Variants in PLAAT5 observed in about 807,000 individuals in gnomAD.
PLAAT5 encodes phospholipase A and acyltransferase 5, also known as Ca(2+)-independent N-acyltransferase.
Under a neutral mutation model 27.8 loss-of-function variants are expected in PLAAT5, and 27 were observed. That is an observed-to-expected ratio of 0.97 (90% confidence interval 0.72 to 1.34). The LOEUF is 1.34. Ranked by LOEUF, PLAAT5 falls within the 40% of genes most tolerant of loss-of-function variation. The probability of loss-of-function intolerance (pLI) is 0.00; values close to 1 mark genes in which losing one functional copy is unlikely to be tolerated. For missense variants in PLAAT5, 368 were observed against 343.8 expected, an observed-to-expected ratio of 1.07 and a Z score of -0.56; for synonymous variants, 125 against 136.1, an observed-to-expected ratio of 0.92 and a Z score of 0.57.
intron 3 of PLAAT5, among the ~76,000 whole-genome samples, chr11:63,476,133 G>A (rs972422835): frequency 6.6e-6 from 1 of 151,914 alleles, no homozygotes; most frequent in African/African-American, 2.4e-5. Context: ...ATCTAATACA[G>A]CTTCATTTCA....
chr11:63,468,546 C>A, intron 3 of PLAAT5, 81 bp from the exon 4 acceptor site: 1 of 989,328 alleles, frequency 1.0e-6, no homozygotes. Context: ...GACAGCTCAG[C>A]CTAAAGATCC....
chr11:63,486,482 A>G (rs1380190537), intron 3 of PLAAT5, among the ~76,000 whole-genome samples: 1 of 152,158 alleles, frequency 6.6e-6, no homozygotes, highest in Non-Finnish European at 1.5e-5. Context: ...CTCAGCCGTA[A>G]AAAGGAATGA....
chr11:63,473,071 C>T (rs1403747852), intron 3 of PLAAT5, among the ~76,000 whole-genome samples: 1 of 151,878 alleles, frequency 6.6e-6, no homozygotes. Context: ...GATCGTGCCA[C>T]TGCACCACCG....
chr11:63,478,546 C>T (rs2016207665), intron 3 of PLAAT5, among the ~76,000 whole-genome samples: 2 of 152,198 alleles, frequency 1.3e-5, no homozygotes, highest in Admixed American at 6.5e-5. Flanking sequence ...TGGTCTCAAT[C>T]TCCTGACCTG....
intron 3 of PLAAT5, among the ~76,000 whole-genome samples, chr11:63,478,248 C>T (rs1445441420): frequency 6.6e-6 from 1 of 152,200 alleles, no homozygotes; most frequent in Non-Finnish European, 1.5e-5. Flanking sequence ...CTTACCACAA[C>T]CGCAGAGCTG....
chr11:63,475,858 T>C (rs946304599), intron 3 of PLAAT5, among the ~76,000 whole-genome samples: 41 of 152,108 alleles, frequency 2.7e-4, no homozygotes, highest in Non-Finnish European at 4.4e-5. Flanking sequence ...ACTAACTTGA[T>C]TCCTGTAAAA....
intron 3 of PLAAT5, 99 bp downstream of exon 3, chr11:63,488,772 T>A: frequency 1.4e-6 from 1 of 713,398 alleles, no homozygotes; most frequent in East Asian, 2.8e-5. Context: ...CAGGGAAGCC[T>A]AAAGATTGGA....
chr11:63,480,463 A>G (rs1211232209), intron 3 of PLAAT5, among the ~76,000 whole-genome samples: 4 of 152,236 alleles, frequency 2.6e-5, no homozygotes, highest in Admixed American at 6.5e-5. Context: ...CTCATCTGCA[A>G]TATTGCCACT....
rs1437756632 is a variant in PLAAT5, at chr11:63,483,804, T to A, written c.345+5067A>T. Among the ~76,000 whole-genome samples the A allele has an allele frequency of 7.0e-3, 206 of 29,242 alleles. 8 individuals are homozygous for A. Among genetic ancestry groups the A allele is most frequent in the African/African-American group, 0.07 (203 of 2,882 alleles). 19.2% of individuals were successfully genotyped at this position (29,242 alleles called of 152,430 possible). A position where few individuals can be genotyped will look rare whatever the true frequency, so the allele number is the denominator to read the frequency against. On this transcript the variant is annotated intron_variant, in intron 3 of 5. Coordinates refer to ENST00000540857, the MANE Select transcript of PLAAT5 (RefSeq NM_001146729.2). ...AAAAAAATATATATATATATATGTATATATATATATATATATATATATATA... is the reference window on the plus strand; with the variant it reads ...AAAAAAATATATATATATATATGTAAATATATATATATATATATATATATA...
In PLAAT5 at chr11:63,466,312, T is replaced by C. The variant is rs1428490678; in HGVS notation, c.515A>G (p.Tyr172Cys). 6.2e-7 allele frequency: 1 copy of C among 1,614,118 alleles called. No individual in the cohort carries two copies. Among genetic ancestry groups the C allele is most frequent in the Non-Finnish European group, 8.5e-7 (1 of 1,180,014 alleles). The stretch of plus-strand genomic sequence containing the variant: ...ATGCAGCACATCCTCCAGACGACTG[T>C]ATTTCACCACGGCCCGATTGCTAAA... ...SIFSNRAVVK[Y>C]SRLEDVLHGC... Residue 172 changes from tyrosine (Y) to cysteine (C), a missense_variant, in exon 5 of 6, where the codon TAC becomes TGC. Coordinates refer to ENST00000540857, the MANE Select transcript of PLAAT5 (RefSeq NM_001146729.2).
At chr11:63,490,373 G>C (rs774131066) in intron 1 of PLAAT5, 40 bp from the exon 2 acceptor site, 8 of 1,613,832 alleles carry the variant, frequency 5.0e-6, no homozygotes, top group Non-Finnish European at 5.1e-6. Flanking sequence ...CCTGTGAAAG[G>C]AGAGTTCGAG....
chr11:63,490,036 A>T (rs1298248963), intron 2 of PLAAT5, among the ~76,000 whole-genome samples: 1 of 152,236 alleles, frequency 6.6e-6, no homozygotes, highest in Non-Finnish European at 1.5e-5. Flanking sequence ...GGCTAGAAAC[A>T]GCTGCAACGC....
chr11:63,465,090 C>T (rs2015822854), intron 5 of PLAAT5, among the ~76,000 whole-genome samples: 3 of 152,076 alleles, frequency 2.0e-5, no homozygotes, highest in Non-Finnish European at 4.4e-5. Context: ...CCAGCCTGGC[C>T]AACATGGCAA....
chr11:63,489,379 TA>T (rs1193921027), intron 2 of PLAAT5, among the ~76,000 whole-genome samples: 1 of 152,180 alleles, frequency 6.6e-6, no homozygotes, highest in African/African-American at 2.4e-5. Flanking sequence ...TTTCTTCCAA[TA>T]ATTAGCCCCA....
intron 3 of PLAAT5, 55 bp downstream of exon 3, chr11:63,488,816 G>A: frequency 3.4e-6 from 4 of 1,184,154 alleles, no homozygotes; most frequent in Non-Finnish European, 5.0e-6. Flanking sequence ...ACAATATGTA[G>A]AGAAGTTGCC....
intron 3 of PLAAT5, among the ~76,000 whole-genome samples, chr11:63,476,509 T>C (rs1440178730): frequency 1.3e-5 from 2 of 152,190 alleles, no homozygotes; most frequent in Admixed American, 1.3e-4. Flanking sequence ...GGTTTTTTTC[T>C]TTCAGCATTT....
Position 63,466,170 on chromosome 11 carries a change from A to C in PLAAT5, c.657T>G (p.Ile219Met). The C allele has an allele frequency of 2.5e-6, 4 of 1,614,126 alleles. No individual in the cohort carries two copies. The highest frequency in any genetic ancestry group is 3.4e-6 in the Non-Finnish European group (4 of 1,180,014). The change falls in exon 5 of 6, where the codon ATT becomes ATG. Residue 219 changes from isoleucine (I) to methionine (M), a missense_variant. Transcript: ENST00000540857. ...TGACAAAGTGCTCACAGTTCCCTTC[A>C]ATCAGGCTGTACTGCACGATCTTGT... is the stretch of plus-strand genomic sequence containing the variant. ...MVNKIVQYSLIEGNCEHFVNG... is the reference protein window; with the variant it reads ...MVNKIVQYSLMEGNCEHFVNG...
chr11:63,479,686 T>C (rs923812537), intron 3 of PLAAT5, among the ~76,000 whole-genome samples: 5 of 152,180 alleles, frequency 3.3e-5, no homozygotes, highest in African/African-American at 9.6e-5. Context: ...GGAGACCCCA[T>C]AGGCCCATCC....
At chr11:63,486,991 G>C (rs2016451599) in intron 3 of PLAAT5, among the ~76,000 whole-genome samples, 1 of 152,102 alleles carries the variant, frequency 6.6e-6, no homozygotes, top group African/African-American at 2.4e-5. Context: ...CCACTTCTTT[G>C]GCGGTCTCCT....
Sources: gnomAD v4.1 joint callset for allele counts (sites outside exome capture counted in the v4.1 genomes callset) on GRCh38, gnomAD v4.1.1 for gene constraint, MANE v1.5 for transcripts, NCBI Gene and HGNC (gene_info 2026-07-23, HGNC 2026-07-21) for gene names.